The following FOXN3 variants were observed in gnomAD, a reference collection of about 807,000 sequenced individuals.
The protein encoded by FOXN3 is forkhead box N3.
A neutral mutation model predicts 38.4 loss-of-function variants in FOXN3; 7 were observed. That is an observed-to-expected ratio of 0.18 (90% CI 0.10 to 0.34). The LOEUF is 0.34. Ranked by LOEUF, FOXN3 falls within the 10% of genes least tolerant of loss-of-function variation. FOXN3 has a pLI of 1.00. For synonymous variants in FOXN3, 230 were observed against 242.2 expected, an observed-to-expected ratio of 0.95 and a Z score of 0.47; for missense variants, 456 against 613.4, an observed-to-expected ratio of 0.74 and a Z score of 2.71.
rs148734264 is a variant in FOXN3 at position 89,407,180 on chromosome 14, G to A, written c.543+4754C>T. On this transcript the variant is annotated intron_variant, in intron 2 of 5. Coordinates refer to ENST00000557258, the MANE Select transcript of FOXN3 (RefSeq NM_005197.4). ...CCATTTGACAGGAAATAGAAGGAGA[G>A]AGAGAAGCAAGTTACACGAAATCAC... Among the ~76,000 whole-genome samples, 377 of 152,260 alleles carry A rather than the reference G, an allele frequency of 2.5e-3. 1 individual carries two copies. The highest frequency in any genetic ancestry group is 8.1e-3 in the African/African-American group (335 of 41,544).
intron 1 of FOXN3, among the ~76,000 whole-genome samples, chr14:89,456,309 C>T (rs1892724765): frequency 6.6e-6 from 1 of 152,074 alleles, no homozygotes; most frequent in Non-Finnish European, 1.5e-5. Flanking sequence ...ATGTGGGTAT[C>T]CCAGGCCCAT....
chr14:89,368,718 G>T (rs1200498097), intron 2 of FOXN3, among the ~76,000 whole-genome samples: 1 of 152,124 alleles, frequency 6.6e-6, no homozygotes, highest in African/African-American at 2.4e-5. Context: ...TGACCTAGAA[G>T]ATTTACACAG....
In FOXN3 at chr14:89,403,372, A is replaced by AT. The variant is rs1207669935; in HGVS notation, c.543+8561dup. On this transcript the variant is annotated intron_variant, in intron 2 of 5. Coordinates refer to ENST00000557258, the MANE Select transcript of FOXN3 (RefSeq NM_005197.4). ...GCCACCATGCCCAATTAATCTCTGT[A>AT]TTTTTTGTAGAGACAGGGTTTCACC... Among the ~76,000 whole-genome samples, 10 of 152,204 alleles carry AT rather than the reference A, an allele frequency of 6.6e-5. 2 individuals carry two copies. The South Asian group carries it at 1.7e-3, about 25-fold the overall frequency.
At chr14:89,286,965 G>C (rs1886647422) in intron 3 of FOXN3, among the ~76,000 whole-genome samples, 1 of 152,140 alleles carries the variant, frequency 6.6e-6, no homozygotes, top group Admixed American at 6.5e-5. Flanking sequence ...GTCCAATCCA[G>C]GGTGAAGTGG....
At chr14:89,464,526 T>C (rs973186898) in intron 1 of FOXN3, among the ~76,000 whole-genome samples, 2 of 152,196 alleles carry the variant, frequency 1.3e-5, no homozygotes, top group African/African-American at 4.8e-5. Flanking sequence ...AAATGGGCTC[T>C]ATCCTTTTGC....
chr14:89,325,356 C>CACCTCCACCACTACCACTACCACCACT (rs1888045230), intron 3 of FOXN3, among the ~76,000 whole-genome samples: 3 of 91,846 alleles, frequency 3.3e-5, no homozygotes, highest in African/African-American at 7.2e-5. Flanking sequence ...CCACCACCAC[C>CACCTCCACCACTACCACTACCACCACT]ACCACTACCA....
Position 89,491,923 on chromosome 14 carries a change from G to A in FOXN3, c.-14-79433C>T, listed in dbSNP as rs550589058. On this transcript the variant is annotated intron_variant, in intron 1 of 6. Coordinates refer to the FOXN3 transcript ENST00000345097. ...CCTAGCGCTTTACATTTAGGTTCAT[G>A]TGTTTTTCTATTCTTACAAAAGAGT... is the stretch of plus-strand genomic sequence containing the variant. 3.1e-3 allele frequency among the ~76,000 whole-genome samples: 467 copies of A among 152,310 alleles called. 1 individual carries two copies. The highest frequency in any genetic ancestry group is 5.1e-3 in the Non-Finnish European group (347 of 68,022).
chr14:89,261,106 T>A (rs150838087), intron 4 of FOXN3, among the ~76,000 whole-genome samples: 1 of 152,228 alleles, frequency 6.6e-6, no homozygotes, highest in African/African-American at 2.4e-5. Flanking sequence ...CTCTGGACCA[T>A]GCACATAGCA....
intron 1 of FOXN3, among the ~76,000 whole-genome samples, chr14:89,433,676 C>T (rs1251823865): frequency 2.0e-5 from 3 of 151,188 alleles, no homozygotes; most frequent in Admixed American, 6.6e-5. Context: ...TGGTGGCAGG[C>T]GCCTGTAATC....
At chr14:89,369,545 AATTT>A (rs1890253520) in intron 2 of FOXN3, among the ~76,000 whole-genome samples, 3 of 86,690 alleles carry the variant, frequency 3.5e-5, no homozygotes, top group African/African-American at 1.3e-4. Flanking sequence ...AAGACTGGGT[AATTT>A]TTTTTTTTTT....
intron 4 of FOXN3, among the ~76,000 whole-genome samples, chr14:89,183,217 C>G (rs868671269): frequency 6.6e-6 from 1 of 152,174 alleles, no homozygotes; most frequent in Non-Finnish European, 1.5e-5. Flanking sequence ...CAGATAGCCA[C>G]AGGTTCAGTT....
intron 1 of FOXN3, among the ~76,000 whole-genome samples, chr14:89,540,138 T>C (rs1401570295): frequency 6.6e-6 from 1 of 152,190 alleles, no homozygotes; most frequent in Non-Finnish European, 1.5e-5. Flanking sequence ...GTTTGCAGCA[T>C]GGTAGTAGAA....
chr14:89,183,920 A>G (rs1336077430), intron 4 of FOXN3: 1 of 152,240 alleles, frequency 6.6e-6, no homozygotes, highest in Admixed American at 6.5e-5. Flanking sequence ...TCCTTAAGTA[A>G]GATGGGGGAC....
chr14:89,367,351 G>A (rs1053520081), intron 2 of FOXN3, among the ~76,000 whole-genome samples: 2 of 152,194 alleles, frequency 1.3e-5, no homozygotes, highest in African/African-American at 2.4e-5. Context: ...GTCTAACACC[G>A]ACTGCACCCT....
chr14:89,310,120 CATA>C (rs774685398), intron 3 of FOXN3, among the ~76,000 whole-genome samples: 1 of 152,192 alleles, frequency 6.6e-6, no homozygotes, highest in Non-Finnish European at 1.5e-5. Flanking sequence ...GCAGAGTGGG[CATA>C]ATACCAGCCA....
intron 1 of FOXN3, among the ~76,000 whole-genome samples, chr14:89,536,784 A>C (rs200621589): frequency 2.1e-3 from 13 of 6,326 alleles, no homozygotes; most frequent in Admixed American, 8.9e-3. Context: ...TCTCAAAAAT[A>C]AAAAAAAAAA....
chr14:89,571,274 C>T (rs1005816026), intron 1 of FOXN3, among the ~76,000 whole-genome samples: 2 of 152,050 alleles, frequency 1.3e-5, no homozygotes, highest in Non-Finnish European at 2.9e-5. Context: ...TTTGGGAAGC[C>T]GAGGTGGGTG....
rs1885501071 is a variant in FOXN3, at chr14:89,252,863, T to G, written c.745+28087A>C. On this transcript the variant is annotated intron_variant, in intron 4 of 5. Coordinates refer to ENST00000557258, the MANE Select transcript of FOXN3 (RefSeq NM_005197.4). ...TGTGAAATAGGATATAAAACTGGCATGCGTTTTCAACTGAGTGTGTGCACA... is the reference window on the plus strand; with the variant it reads ...TGTGAAATAGGATATAAAACTGGCAGGCGTTTTCAACTGAGTGTGTGCACA... Among the ~76,000 whole-genome samples the G allele has an allele frequency of 2.0e-5, 3 of 152,188 alleles. No homozygotes were observed. In the South Asian group the frequency reaches 6.2e-4, roughly 32 times the overall value.
intron 1 of FOXN3, among the ~76,000 whole-genome samples, chr14:89,469,574 C>G (rs1893048839): frequency 6.6e-6 from 1 of 152,218 alleles, no homozygotes; most frequent in South Asian, 2.1e-4. Flanking sequence ...TCTCCACCTC[C>G]TCTGTGGACC....
Sources: gnomAD v4.1 joint callset for allele counts (sites outside exome capture counted in the v4.1 genomes callset) on GRCh38, gnomAD v4.1.1 for gene constraint, MANE v1.5 for transcripts, NCBI Gene and HGNC (gene_info 2026-07-23, HGNC 2026-07-21) for gene names.